The following RASAL2 variants were observed in gnomAD, a reference collection of about 807,000 sequenced individuals.
RASAL2 encodes the protein ras GTPase-activating protein nGAP.
A neutral mutation model predicts 128.9 loss-of-function variants in RASAL2; 58 were observed. That is an observed-to-expected ratio of 0.45 (90% CI 0.36 to 0.56). RASAL2 has a LOEUF of 0.56. Among genes scored for constraint, RASAL2 ranks in the 20% least tolerant of loss-of-function variants. RASAL2 has a pLI of 0.00. For missense variants in RASAL2, 1,360 were observed against 1,601.6 expected (o/e 0.85, Z 2.57); for synonymous variants, 561 against 580.8 (o/e 0.97, Z 0.49).
intron 3 of RASAL2, among the ~76,000 whole-genome samples, chr1:178,378,870 A>C (rs1672131037): frequency 6.6e-6 from 1 of 152,178 alleles, no homozygotes; most frequent in Non-Finnish European, 1.5e-5. Context: ...GTTAGATAAT[A>C]ACAAACCCAA....
chr1:178,399,308 G>T (rs1673461741), intron 4 of RASAL2, among the ~76,000 whole-genome samples: 1 of 147,860 alleles, frequency 6.8e-6, no homozygotes, highest in African/African-American at 2.5e-5. Flanking sequence ...GGTAGTCCTT[G>T]CCCCTGCCTG....
intron 1 of RASAL2, among the ~76,000 whole-genome samples, chr1:178,191,086 C>T (rs1329912307): frequency 6.6e-6 from 1 of 152,138 alleles, no homozygotes; most frequent in Admixed American, 6.5e-5. Flanking sequence ...AGGATGCTTT[C>T]GGTCAGCCTA....
chr1:178,311,781 CATCTG>C (rs1668264541), intron 3 of RASAL2, among the ~76,000 whole-genome samples: 1 of 151,112 alleles, frequency 6.6e-6, no homozygotes, highest in African/African-American at 2.4e-5. Flanking sequence ...GATTAGTGGA[CATCTG>C]AAGAAAAGCC....
Position 178,455,462 on chromosome 1 carries a change from A to G in RASAL2, c.2211+814A>G, listed in dbSNP as rs141721102. Among the ~76,000 whole-genome samples, 128 of 152,346 alleles carry G rather than the reference A, an allele frequency of 8.4e-4. 1 individual carries two copies. Among genetic ancestry groups the G allele is most frequent in the African/African-American group, 2.9e-3 (121 of 41,578 alleles). On this transcript the variant is annotated intron_variant, in intron 12 of 17. Coordinates refer to ENST00000367649, the MANE Select transcript of RASAL2 (RefSeq NM_170692.4). ...TATTTTCCTCTATTTTCCTATCAAT[A>G]AAAATGCTATATCAGTAAAATTTGA...
intron 1 of RASAL2, among the ~76,000 whole-genome samples, chr1:178,151,682 A>G (rs1324752347): frequency 6.6e-6 from 1 of 152,186 alleles, no homozygotes; most frequent in Non-Finnish European, 1.5e-5. Flanking sequence ...TTTACATGCT[A>G]GTGTAGTCCC....
At chr1:178,163,607 A>AT (rs1295152955) in intron 1 of RASAL2, among the ~76,000 whole-genome samples, 2 of 152,140 alleles carry the variant, frequency 1.3e-5, no homozygotes, top group Admixed American at 1.3e-4. Context: ...TTGCTCACAA[A>AT]TTTATGAGTT....
At chr1:178,293,382 G>A (rs1368049858) in intron 2 of RASAL2, among the ~76,000 whole-genome samples, 1 of 152,202 alleles carries the variant, frequency 6.6e-6, no homozygotes, top group South Asian at 2.1e-4. Context: ...TCAAAGTTAG[G>A]TGTTATAAAT....
chr1:178,310,992 A>T (rs1284064104), intron 3 of RASAL2, among the ~76,000 whole-genome samples: 1 of 152,134 alleles, frequency 6.6e-6, no homozygotes. Flanking sequence ...TGATACCCAC[A>T]CTAGAGGCTC....
intron 8 of RASAL2, among the ~76,000 whole-genome samples, chr1:178,444,156 G>T (rs879820064): frequency 4.6e-5 from 7 of 152,092 alleles, no homozygotes; most frequent in Non-Finnish European, 1.0e-4. Context: ...GAATTGTATG[G>T]ATATATTTCT....
intron 9 of RASAL2, among the ~76,000 whole-genome samples, chr1:178,449,714 A>T (rs1313428078): frequency 6.6e-6 from 1 of 152,134 alleles, no homozygotes; most frequent in African/African-American, 2.4e-5. Flanking sequence ...CAACAGTTAA[A>T]GTATTATTTT....
Position 178,167,505 on chromosome 1 carries a change from C to T in RASAL2, c.202+72811C>T, listed in dbSNP as rs540791580. On this transcript the variant is annotated intron_variant, in intron 1 of 17. Coordinates refer to ENST00000367649, the MANE Select transcript of RASAL2 (RefSeq NM_170692.4). ...TAATTTGATTTTTCTTTTTAAAGTA[C>T]AGTTGATCTTTGGACAAAATGGGTA... Among the ~76,000 whole-genome samples, 5 of 152,118 alleles carry T rather than the reference C, an allele frequency of 3.3e-5. No homozygotes were observed. The South Asian group carries it at 1.0e-3, about 32-fold the overall frequency.
chr1:178,119,780 C>T (rs1415227867), intron 1 of RASAL2, among the ~76,000 whole-genome samples: 1 of 152,294 alleles, frequency 6.6e-6, no homozygotes, highest in East Asian at 1.9e-4. Flanking sequence ...TCTGGATTGC[C>T]TACCACGGTG....
At chr1:178,134,206 G>A (rs1222688631) in intron 1 of RASAL2, among the ~76,000 whole-genome samples, 2 of 152,114 alleles carry the variant, frequency 1.3e-5, no homozygotes, top group Non-Finnish European at 2.9e-5. Flanking sequence ...GGCCTCTTTG[G>A]GGTGGGAGGA....
At chr1:178,176,229 T>G (rs1306832327) in intron 1 of RASAL2, among the ~76,000 whole-genome samples, 2 of 140,172 alleles carry the variant, frequency 1.4e-5, no homozygotes, top group Admixed American at 7.0e-5. Context: ...CTGTTGTTTT[T>G]TGACTCTAGT....
Position 178,094,574 on chromosome 1 carries a change from C to A in RASAL2, c.82C>A (p.Pro28Thr). The A allele has an allele frequency of 6.2e-7, 1 of 1,603,962 alleles. No homozygotes were observed. The highest frequency in any genetic ancestry group is 1.3e-5 in the African/African-American group (1 of 74,798). Residue 28 changes from proline to threonine, a missense_variant, in exon 1 of 18, where the codon CCG becomes ACG. Physicochemically the swap from Pro to Thr is conservative, Grantham distance 38 (BLOSUM62 -1). Transcript: ENST00000367649. Reference protein sequence around the residue: ...EMFPALESDSPLPPEDLDAVV... With the variant: ...EMFPALESDSTLPPEDLDAVV... ...GTTCCCGGCGCTGGAGTCCGACTCGCCGCTGCCCCCGGAGGACCTGGACGC... is the reference window on the plus strand; with the variant it reads ...GTTCCCGGCGCTGGAGTCCGACTCGACGCTGCCCCCGGAGGACCTGGACGC...
At chr1:178,188,950 T>C (rs316280) in intron 1 of RASAL2, among the ~76,000 whole-genome samples, 104,072 of 151,930 alleles carry the variant, frequency 0.69, 37,953 homozygotes, top group East Asian at 0.8. Context: ...CCATATTTAC[T>C]GGTGCCAGTT....
intron 1 of RASAL2, among the ~76,000 whole-genome samples, chr1:178,192,414 ATAAAT>A (rs1662524860): frequency 6.6e-6 from 1 of 152,248 alleles, no homozygotes; most frequent in Admixed American, 6.5e-5. Flanking sequence ...AAAAATATGA[ATAAAT>A]TATTTTAAAA....
chr1:178,145,287 G>A (rs921482868), intron 1 of RASAL2, among the ~76,000 whole-genome samples: 1 of 152,060 alleles, frequency 6.6e-6, no homozygotes, highest in Non-Finnish European at 1.5e-5. Context: ...ACTAAAAAAT[G>A]TAGAAAAGAG....
chr1:178,273,390 G>A (rs1666350806), intron 1 of RASAL2, among the ~76,000 whole-genome samples: 1 of 152,014 alleles, frequency 6.6e-6, no homozygotes, highest in African/African-American at 2.4e-5. Context: ...TGCCTTATTT[G>A]CATTCATTAT....
Sources: gnomAD v4.1 joint callset for allele counts (sites outside exome capture counted in the v4.1 genomes callset) on GRCh38, gnomAD v4.1.1 for gene constraint, MANE v1.5 for transcripts, NCBI Gene and HGNC (gene_info 2026-07-23, HGNC 2026-07-21) for gene names.